The following AGT variants were observed in gnomAD, a reference collection of about 807,000 sequenced individuals.
AGT encodes alpha-1 antiproteinase, antitrypsin.
AGT carries 26 observed loss-of-function variants against 28.1 expected under a neutral mutation model. That is an observed-to-expected ratio of 0.92 (90% CI 0.68 to 1.28). The LOEUF (loss-of-function observed/expected upper bound fraction) is 1.28, where lower values mean the gene tolerates loss of function less well. Among genes scored for constraint, AGT ranks in the 50% most tolerant of loss-of-function variants. The pLI is 0.00. For missense variants in AGT, 596 were observed against 592.3 expected, an observed-to-expected ratio of 1.01 and a Z score of -0.06; for synonymous variants, 259 against 259.6, an observed-to-expected ratio of 1.00 and a Z score of 0.02.
upstream of AGT, among the ~76,000 whole-genome samples, chr1:230,716,877 G>A (rs1241789694): frequency 2.0e-5 from 3 of 151,876 alleles, no homozygotes. Context: ...AGAGCATGAT[G>A]TATTAGTCAG....
At chr1:230,714,475 A>AC (rs976368310), upstream of AGT, among the ~76,000 whole-genome samples, 43 of 152,158 alleles carry the variant, frequency 2.8e-4, no homozygotes, top group African/African-American at 1.0e-3. Context: ...CGGGAGATGT[A>AC]CCCCCAAGAG....
At chr1:230,712,658 C>T (rs1270637512) in intron 1 of AGT, among the ~76,000 whole-genome samples, 1 of 152,216 alleles carries the variant, frequency 6.6e-6, no homozygotes, top group Non-Finnish European at 1.5e-5. Flanking sequence ...GTCGATGCAG[C>T]CCGCTCACTG....
intron 4 of AGT, 50 bp from the exon 5 acceptor site, chr1:230,703,379 C>T: frequency 6.2e-7 from 1 of 1,608,944 alleles, no homozygotes; most frequent in Non-Finnish European, 8.5e-7. Context: ...CTGGGTGACC[C>T]AGGGTGCTGA....
At chr1:230,741,820 C>A (rs1035541702) in intron 1 of AGT, among the ~76,000 whole-genome samples, 1 of 152,078 alleles carries the variant, frequency 6.6e-6, no homozygotes, top group Non-Finnish European at 1.5e-5. Flanking sequence ...GAGAGATACA[C>A]GGGGGAGGGA....
chr1:230,715,657 A>C (rs1663719291), upstream of AGT, among the ~76,000 whole-genome samples: 1 of 152,238 alleles, frequency 6.6e-6, no homozygotes, highest in African/African-American at 2.4e-5. Context: ...AGGATCAGCA[A>C]GTGGTTTAAC....
At chr1:230,740,230 G>T (rs1664223129) in intron 1 of AGT, among the ~76,000 whole-genome samples, 1 of 152,190 alleles carries the variant, frequency 6.6e-6, no homozygotes, top group Admixed American at 6.5e-5. Flanking sequence ...GAGCAGTGAG[G>T]ACGAACAGAG....
chr1:230,735,728 G>T (rs1165999579), intron 1 of AGT, among the ~76,000 whole-genome samples: 1 of 152,042 alleles, frequency 6.6e-6, no homozygotes, highest in African/African-American at 2.4e-5. Context: ...GTTGGCCTCA[G>T]GTGACTGCAT....
intron 1 of AGT, among the ~76,000 whole-genome samples, chr1:230,728,452 A>G (rs1663992155): frequency 6.6e-6 from 1 of 152,192 alleles, no homozygotes; most frequent in African/African-American, 2.4e-5. Flanking sequence ...CCATGCCCCA[A>G]AATGACCCAG....
At chr1:230,715,310 A>T (rs1349816250), upstream of AGT, among the ~76,000 whole-genome samples, 1 of 152,168 alleles carries the variant, frequency 6.6e-6, no homozygotes, top group African/African-American at 2.4e-5. Context: ...CTTTGTTCCT[A>T]TAGATAGGGA....
intron 1 of AGT, among the ~76,000 whole-genome samples, chr1:230,730,022 G>A (rs192173785): frequency 1.3e-5 from 2 of 152,082 alleles, no homozygotes; most frequent in African/African-American, 2.4e-5. Context: ...TTAGCCAGGC[G>A]TGGTGGTGCA....
intron 1 of AGT, among the ~76,000 whole-genome samples, chr1:230,742,546 A>G (rs1178466938): frequency 6.6e-6 from 1 of 152,132 alleles, no homozygotes. Context: ...TGAACTCCTG[A>G]CCTCATGATC....
Position 230,702,928 on chromosome 1 carries a change from C to T in AGT, c.*213G>A. 1 of 592,586 alleles carries T rather than the reference C, an allele frequency of 1.7e-6. No homozygotes were observed. The highest frequency in any genetic ancestry group is 3.0e-6 in the Non-Finnish European group (1 of 337,284). 36.7% of individuals were successfully genotyped at this position (592,586 alleles called of 1,614,324 possible). A position where few individuals can be genotyped will look rare whatever the true frequency, so the allele number is the denominator to read the frequency against. On this transcript the variant is annotated 3_prime_UTR_variant, in exon 5 of 5. Transcript: ENST00000366667. ...CAGCAAACTGGGAGGTGCATTTGTG[C>T]CGCTGCAGGCTTCTACTGCTCACTC...
rs1425496740 is a variant in AGT at position 230,703,004 on chromosome 1, C to T, written c.*137G>A. ...AAACGGCTGCTTTCCAGCTCAAAGTCGACTCATTAGAAGAAAAGGTGGGAG... is the reference window on the plus strand; with the variant it reads ...AAACGGCTGCTTTCCAGCTCAAAGTTGACTCATTAGAAGAAAAGGTGGGAG... On this transcript the variant is annotated 3_prime_UTR_variant, in exon 5 of 5. Transcript: ENST00000366667. 6 of 981,840 alleles carry T rather than the reference C, an allele frequency of 6.1e-6. No homozygotes were observed. Among genetic ancestry groups the T allele is most frequent in the Non-Finnish European group, 7.4e-6 (5 of 671,546 alleles). 60.8% of individuals were successfully genotyped at this position (981,840 alleles called of 1,614,324 possible). A position where few individuals can be genotyped will look rare whatever the true frequency, so the allele number is the denominator to read the frequency against.
intron 1 of AGT, among the ~76,000 whole-genome samples, chr1:230,743,030 G>A (rs547905744): frequency 4.6e-5 from 7 of 152,082 alleles, no homozygotes; most frequent in South Asian, 2.1e-4. Flanking sequence ...CTCGCTCCTC[G>A]CCCAGGCTGG....
intron 1 of AGT, among the ~76,000 whole-genome samples, chr1:230,735,247 G>C (rs1009882141): frequency 6.6e-6 from 1 of 152,008 alleles, no homozygotes; most frequent in Non-Finnish European, 1.5e-5. Flanking sequence ...ATCTCGCCCC[G>C]ACTGCAGCGG....
intron 3 of AGT, among the ~76,000 whole-genome samples, chr1:230,704,864 C>T (rs1663336328): frequency 6.6e-6 from 1 of 152,180 alleles, no homozygotes; most frequent in South Asian, 2.1e-4. Context: ...ATGTATCAAG[C>T]ACTTATAAGA....
At chr1:230,719,404 ATGTTT>A (rs1663800561), upstream of AGT, among the ~76,000 whole-genome samples, 2 of 99,630 alleles carry the variant, frequency 2.0e-5, no homozygotes, top group African/African-American at 6.0e-5. Flanking sequence ...TATTATCATT[ATGTTT>A]TTTTTTTTTT....
intron 1 of AGT, among the ~76,000 whole-genome samples, chr1:230,712,929 C>T (rs910856512): frequency 1.3e-5 from 2 of 152,172 alleles, no homozygotes; most frequent in Non-Finnish European, 2.9e-5. Context: ...CTACTTCTCC[C>T]GGGCTGAATG....
intron 1 of AGT, among the ~76,000 whole-genome samples, chr1:230,727,677 A>G (rs4847006): frequency 0.16 from 23,719 of 152,278 alleles, 2,454 homozygotes; most frequent in East Asian, 0.49. Context: ...CACCATGCCT[A>G]GAATGGGAAA....
Sources: allele counts gnomAD v4.1 joint callset (sites outside exome capture counted in the v4.1 genomes callset), GRCh38; gene constraint gnomAD v4.1.1; transcripts MANE v1.5; gene names NCBI Gene and HGNC (gene_info 2026-07-23, HGNC 2026-07-21).